DLG2: variants seen among roughly 807,000 people sequenced by gnomAD.
DLG2 encodes discs large MAGUK scaffold protein 2, also known as disks large homolog 2.
DLG2 carries 45 observed loss-of-function variants against 132.5 expected under a neutral mutation model. The ratio of observed to expected loss-of-function variants is 0.34; its 90% CI spans 0.27 to 0.44. The LOEUF (loss-of-function observed/expected upper bound fraction) is 0.44, where lower values mean the gene tolerates loss of function less well. Among genes scored for constraint, DLG2 ranks in the 20% least tolerant of loss-of-function variants. The pLI is 1.00. For synonymous variants in DLG2, 424 were observed against 419.6 expected, an observed-to-expected ratio of 1.01 and a Z score of -0.13; for missense variants, 1,045 against 1,196.9, an observed-to-expected ratio of 0.87 and a Z score of 1.87.
chr11:83,660,832 A>T (rs903611383), intron 18 of DLG2, among the ~76,000 whole-genome samples: 1 of 151,996 alleles, frequency 6.6e-6, no homozygotes, highest in Non-Finnish European at 1.5e-5. Context: ...CCCTCCTCCC[A>T]TCTTGGTCTC....
intron 6 of DLG2, among the ~76,000 whole-genome samples, chr11:84,971,293 A>T: frequency 6.6e-6 from 1 of 152,086 alleles, no homozygotes; most frequent in African/African-American, 2.4e-5. Flanking sequence ...ACAGTATGCA[A>T]TCAAGCTAGA....
chr11:85,030,009 G>A (rs969564291), intron 6 of DLG2, among the ~76,000 whole-genome samples: 3 of 152,114 alleles, frequency 2.0e-5, no homozygotes, highest in East Asian at 1.9e-4. Flanking sequence ...CCTCACTTCT[G>A]TTTTATATAT....
At chr11:85,015,005 T>G (rs1299632110) in intron 6 of DLG2, among the ~76,000 whole-genome samples, 2 of 152,156 alleles carry the variant, frequency 1.3e-5, no homozygotes, top group Non-Finnish European at 2.9e-5. Context: ...CCTATAGAAC[T>G]ATTTATACCT....
At chr11:85,254,637 T>A (rs930727732) in intron 4 of DLG2, among the ~76,000 whole-genome samples, 1 of 152,184 alleles carries the variant, frequency 6.6e-6, no homozygotes, top group African/African-American at 2.4e-5. Context: ...ACTACATGAT[T>A]TCATGGGAAT....
At chr11:85,084,855 CA>C (rs2067701287) in intron 6 of DLG2, among the ~76,000 whole-genome samples, 1 of 152,098 alleles carries the variant, frequency 6.6e-6, no homozygotes. Flanking sequence ...TCAAATTGAG[CA>C]AAACACATTT....
chr11:85,564,613 C>T (rs1016188452), intron 3 of DLG2, among the ~76,000 whole-genome samples: 8 of 152,004 alleles, frequency 5.3e-5, no homozygotes, highest in African/African-American at 1.2e-4. Context: ...TTCCATTGAT[C>T]TATATATGTA....
At chr11:84,768,990 CTT>C (rs2068842685) in intron 6 of DLG2, among the ~76,000 whole-genome samples, 1 of 151,994 alleles carries the variant, frequency 6.6e-6, no homozygotes, top group African/African-American at 2.4e-5. Context: ...AAGAAAACAT[CTT>C]ACTTTCATAA....
At chr11:84,076,992 A>G (rs2096838186) in intron 10 of DLG2, among the ~76,000 whole-genome samples, 1 of 152,178 alleles carries the variant, frequency 6.6e-6, no homozygotes, top group South Asian at 2.1e-4. Context: ...CCAAAAGTCC[A>G]TCAATTCATG....
At chr11:83,624,740 C>T (rs2062202049) in intron 19 of DLG2, among the ~76,000 whole-genome samples, 1 of 152,138 alleles carries the variant, frequency 6.6e-6, no homozygotes, top group Non-Finnish European at 1.5e-5. Flanking sequence ...AAACAATAAG[C>T]TATGCACGAC....
At chr11:84,028,676 C>A (rs2154086401) in intron 11 of DLG2, among the ~76,000 whole-genome samples, 1 of 152,250 alleles carries the variant, frequency 6.6e-6, no homozygotes, top group Admixed American at 6.5e-5. Flanking sequence ...CTATTAAGGT[C>A]TTTGCTTCAT....
intron 6 of DLG2, chr11:84,763,357 T>G (rs1039782713): frequency 6.6e-6 from 1 of 152,200 alleles, no homozygotes; most frequent in Non-Finnish European, 1.5e-5. Context: ...AAGTGTATCG[T>G]AAGTCCTCAC....
At chr11:83,860,108 G>A (rs112335226) in intron 16 of DLG2, among the ~76,000 whole-genome samples, 1,826 of 152,282 alleles carry the variant, frequency 0.012, 38 homozygotes, top group African/African-American at 0.04. Flanking sequence ...CAGTCCTCAC[G>A]GAAAACCTCT....
rs572012248 is a variant in DLG2 at position 84,611,341 on chromosome 11, C to T, written c.358-76610G>A. The stretch of plus-strand genomic sequence containing the variant: ...GTTTCTACATTGACAGTAGAGAAAA[C>T]GCCATTTACTAAGAAGAAAAGGAAG... On this transcript the variant is annotated intron_variant, in intron 6 of 27. Coordinates refer to ENST00000376104, the MANE Select transcript of DLG2 (RefSeq NM_001142699.3). Among the ~76,000 whole-genome samples the T allele has an allele frequency of 2.6e-5, 4 of 152,188 alleles. No homozygotes were observed. In the East Asian group the frequency reaches 5.8e-4, roughly 22 times the overall value.
Position 84,104,665 on chromosome 11 carries a change from A to T in DLG2, c.625-5618T>A, listed in dbSNP as rs1387498315. Among the ~76,000 whole-genome samples the T allele has an allele frequency of 2.0e-5, 3 of 152,136 alleles. 1 individual carries two copies. In the South Asian group the frequency reaches 6.2e-4, roughly 32 times the overall value. On this transcript the variant is annotated intron_variant, in intron 9 of 27. Transcript: ENST00000376104. ...GAGAAAAAAGTGACATTTTAATTACAGTATGATTGCCACTGAAGACATTTA... is the reference window on the plus strand; with the variant it reads ...GAGAAAAAAGTGACATTTTAATTACTGTATGATTGCCACTGAAGACATTTA...
At chr11:84,754,712 T>A (rs891273171) in intron 6 of DLG2, among the ~76,000 whole-genome samples, 1 of 152,168 alleles carries the variant, frequency 6.6e-6, no homozygotes, top group African/African-American at 2.4e-5. Context: ...TAATCATGAA[T>A]AAATGTCATT....
chr11:83,658,369 G>C (rs183970188), intron 18 of DLG2, among the ~76,000 whole-genome samples: 93 of 152,238 alleles, frequency 6.1e-4, no homozygotes, highest in African/African-American at 2.0e-3. Flanking sequence ...AAAAATTCTT[G>C]CCAAAAATGA....
intron 6 of DLG2, among the ~76,000 whole-genome samples, chr11:84,905,552 T>C (rs1481002893): frequency 6.6e-6 from 1 of 152,180 alleles, no homozygotes; most frequent in Non-Finnish European, 1.5e-5. Context: ...AGGAAATGTA[T>C]GATTTGATGA....
At chr11:84,249,663 A>C (rs970324081) in intron 8 of DLG2, among the ~76,000 whole-genome samples, 7 of 152,208 alleles carry the variant, frequency 4.6e-5, no homozygotes, top group Admixed American at 3.9e-4. Context: ...AAGTTTGGTA[A>C]GTAAAGAAAG....
At chr11:85,421,719 A>G (rs2090327910) in intron 3 of DLG2, among the ~76,000 whole-genome samples, 1 of 151,934 alleles carries the variant, frequency 6.6e-6, no homozygotes, top group African/African-American at 2.4e-5. Context: ...TGTTGCCTGT[A>G]TACCTTGGTT....
Sources: allele counts gnomAD v4.1 joint callset (sites outside exome capture counted in the v4.1 genomes callset), GRCh38; gene constraint gnomAD v4.1.1; transcripts MANE v1.5; gene names NCBI Gene and HGNC (gene_info 2026-07-23, HGNC 2026-07-21).